Variants in RIMS2 observed in about 807,000 individuals in gnomAD.
RIMS2 encodes the protein regulating synaptic membrane exocytosis 2.
RIMS2 carries 59 observed loss-of-function variants against 174.4 expected under a neutral mutation model. The observed-to-expected ratio is 0.34, with a 90% CI of 0.27 to 0.42. The LOEUF is 0.42. Among genes scored for constraint, RIMS2 ranks in the 10% least tolerant of loss-of-function variants. The pLI is 1.00. For missense variants in RIMS2, 1,620 were observed against 1,666.3 expected, an observed-to-expected ratio of 0.97 and a Z score of 0.48; for synonymous variants, 606 against 572.5, an observed-to-expected ratio of 1.06 and a Z score of -0.84.
intron 1 of RIMS2, among the ~76,000 whole-genome samples, chr8:103,663,556 C>T (rs1211089681): frequency 2.0e-5 from 3 of 152,058 alleles, no homozygotes; most frequent in Admixed American, 6.5e-5. Flanking sequence ...AATAAAATAC[C>T]TAGGAATCTA....
intron 5 of RIMS2, among the ~76,000 whole-genome samples, chr8:103,910,815 G>T (rs1390946163): frequency 2.0e-5 from 3 of 152,154 alleles, no homozygotes; most frequent in Non-Finnish European, 4.4e-5. Flanking sequence ...TCGCATGAGA[G>T]AACTTTGTAA....
Position 103,607,432 on chromosome 8 carries a change from A to G in RIMS2, c.177-89654A>G, listed in dbSNP as rs1226035179. ...CGACCTTTCTCTCTGGCTGCCCTTA[A>G]CATTTTTTCCTTCATTTCTACTTTG... On this transcript the variant is annotated intron_variant, in intron 1 of 23. Transcript: ENST00000504942. Among the ~76,000 whole-genome samples, 7 of 151,816 alleles carry G rather than the reference A, an allele frequency of 4.6e-5. No individual in the cohort carries two copies. In the South Asian group the frequency reaches 1.5e-3, roughly 32 times the overall value.
At chr8:103,732,247 A>G (rs997330723) in intron 2 of RIMS2, among the ~76,000 whole-genome samples, 3 of 152,190 alleles carry the variant, frequency 2.0e-5, no homozygotes, top group South Asian at 4.1e-4. Flanking sequence ...GGAGAATTTC[A>G]TGTATTACTA....
chr8:103,853,880 C>CT (rs1236148550), intron 3 of RIMS2, among the ~76,000 whole-genome samples: 1 of 151,860 alleles, frequency 6.6e-6, no homozygotes, highest in Non-Finnish European at 1.5e-5. Flanking sequence ...TTTTTTGATT[C>CT]TATATGAATT....
intron 19 of RIMS2, among the ~76,000 whole-genome samples, chr8:104,083,920 T>C (rs1486913549): frequency 6.6e-6 from 1 of 152,182 alleles, no homozygotes; most frequent in Non-Finnish European, 1.5e-5. Flanking sequence ...TTTTTGTGGT[T>C]ACATCTATAT....
At chr8:104,041,062 G>A (rs78317121) in intron 19 of RIMS2, among the ~76,000 whole-genome samples, 104 of 151,750 alleles carry the variant, frequency 6.9e-4, no homozygotes, top group African/African-American at 2.5e-3. Flanking sequence ...GTAAATAATT[G>A]TAAACTTCTG....
At chr8:103,625,574 T>G (rs1302494837) in intron 1 of RIMS2, among the ~76,000 whole-genome samples, 1 of 152,168 alleles carries the variant, frequency 6.6e-6, no homozygotes, top group African/African-American at 2.4e-5. Flanking sequence ...AAAGGGAGAA[T>G]TATTTCTAAT....
At chr8:103,837,067 A>C (rs903682510) in intron 3 of RIMS2, among the ~76,000 whole-genome samples, 1 of 152,212 alleles carries the variant, frequency 6.6e-6, no homozygotes, top group Non-Finnish European at 1.5e-5. Context: ...CAAATACACT[A>C]TATGTTAGTT....
At chr8:103,838,647 G>A (rs533909556) in intron 3 of RIMS2, among the ~76,000 whole-genome samples, 26 of 152,256 alleles carry the variant, frequency 1.7e-4, no homozygotes, top group African/African-American at 6.0e-4. Context: ...CAAAAGTTAC[G>A]AATATTTTGG....
chr8:104,117,743 A>G (rs1311154708), intron 19 of RIMS2, among the ~76,000 whole-genome samples: 4 of 152,214 alleles, frequency 2.6e-5, no homozygotes, highest in African/African-American at 7.2e-5. Context: ...GCTTTATTTT[A>G]TCAAAGAAAC....
At chr8:104,006,276 G>A (rs1280756455) in intron 17 of RIMS2, among the ~76,000 whole-genome samples, 2 of 151,998 alleles carry the variant, frequency 1.3e-5, no homozygotes, top group African/African-American at 2.4e-5. Flanking sequence ...CTGGCTGGGC[G>A]CGGTAGCTCA....
intron 1 of RIMS2, among the ~76,000 whole-genome samples, chr8:103,540,076 G>A (rs1269857511): frequency 6.6e-6 from 1 of 152,196 alleles, no homozygotes; most frequent in Non-Finnish European, 1.5e-5. Flanking sequence ...CAATATGGCA[G>A]TGGGGTTGCC....
intron 2 of RIMS2, among the ~76,000 whole-genome samples, chr8:103,733,631 CT>C (rs2097641418): frequency 6.6e-6 from 1 of 152,202 alleles, no homozygotes. Context: ...TAGAACTGGT[CT>C]AAATGCTTCT....
intron 1 of RIMS2, among the ~76,000 whole-genome samples, chr8:103,615,233 G>A (rs938054848): frequency 2.0e-4 from 31 of 151,990 alleles, no homozygotes; most frequent in African/African-American, 3.9e-4. Context: ...TATGAAAATC[G>A]CTCAAAACCT....
intron 2 of RIMS2, among the ~76,000 whole-genome samples, chr8:103,761,045 C>G (rs191293893): frequency 6.6e-6 from 1 of 152,244 alleles, no homozygotes; most frequent in East Asian, 1.9e-4. Context: ...ATATTATAGT[C>G]ACTGGTGTGT....
chr8:104,066,617 G>C (rs190174118), intron 19 of RIMS2, among the ~76,000 whole-genome samples: 154 of 152,202 alleles, frequency 1.0e-3, no homozygotes, highest in African/African-American at 3.5e-3. Flanking sequence ...TATTTTAATA[G>C]ACTAATAGGT....
intron 1 of RIMS2, among the ~76,000 whole-genome samples, chr8:103,503,441 A>C (rs1031220710): frequency 6.6e-6 from 1 of 151,988 alleles, no homozygotes; most frequent in African/African-American, 2.4e-5. Flanking sequence ...TTACAAATAC[A>C]TAAGAAAAAT....
At chr8:103,817,085 G>A (rs1271458249) in intron 3 of RIMS2, among the ~76,000 whole-genome samples, 1 of 152,110 alleles carries the variant, frequency 6.6e-6, no homozygotes, top group Non-Finnish European at 1.5e-5. Context: ...ATTTAAAAAT[G>A]TTTGTTTACA....
At chr8:104,074,713 G>T (rs953421064) in intron 19 of RIMS2, among the ~76,000 whole-genome samples, 2 of 151,944 alleles carry the variant, frequency 1.3e-5, no homozygotes, top group Non-Finnish European at 2.9e-5. Context: ...AAGGAGACTG[G>T]AACATAATAT....
Sources: gnomAD v4.1 joint callset for allele counts (sites outside exome capture counted in the v4.1 genomes callset) on GRCh38, gnomAD v4.1.1 for gene constraint, MANE v1.5 for transcripts, NCBI Gene and HGNC (gene_info 2026-07-23, HGNC 2026-07-21) for gene names.